Variants in GDA observed in about 807,000 individuals in gnomAD.
The protein encoded by GDA is guanine deaminase.
In GDA, 18 loss-of-function variants were observed where a neutral mutation model predicts 59.6. The ratio of observed to expected loss-of-function variants is 0.30; its 90% confidence interval spans 0.21 to 0.45. The LOEUF (loss-of-function observed/expected upper bound fraction) is 0.45. GDA is among the 20% of genes least tolerant of loss of function. GDA has a pLI of 1.00. For synonymous variants in GDA, 201 were observed against 201.1 expected (o/e 1.00, Z 0.00); for missense variants, 427 against 552.3 (o/e 0.77, Z 2.27).
rs759249485 is a variant in GDA, at chr9:72,149,674, A to G, written c.115A>G (p.Ser39Gly). 6 of 1,600,254 alleles carry G rather than the reference A, an allele frequency of 3.7e-6. No individual in the cohort carries two copies. Among genetic ancestry groups the G allele is most frequent in the Non-Finnish European group, 5.1e-6 (6 of 1,174,486 alleles). ...GGATCACCTCCTCGGCGTGAGCGAC[A>G]GCGGCAAAGTAAGCAGGCGCGGGGT... ...LRDHLLGVSD[S>G]GKIVFLEEAS... The change falls in exon 1 of 14, where the codon AGC (serine) becomes GGC (glycine). Residue 39 changes from serine (S) to glycine (G), a missense_variant. Transcript: ENST00000358399.
intron 6 of GDA, among the ~76,000 whole-genome samples, chr9:72,220,254 T>A (rs1004395501): frequency 2.0e-5 from 3 of 152,076 alleles, no homozygotes; most frequent in African/African-American, 7.2e-5. Flanking sequence ...GAAACAGAGG[T>A]CAGGCATTTT....
At chr9:72,254,402 A>T (rs1345986744), downstream of GDA, among the ~76,000 whole-genome samples, 8 of 152,118 alleles carry the variant, frequency 5.3e-5, no homozygotes, top group Non-Finnish European at 1.0e-4. Flanking sequence ...AATGGTAACT[A>T]AAAAAAGTAA....
intron 1 of GDA, among the ~76,000 whole-genome samples, chr9:72,131,508 C>T (rs757106043): frequency 1.7e-4 from 26 of 152,116 alleles, no homozygotes; most frequent in Non-Finnish European, 3.4e-4. Context: ...CACCAGGCCC[C>T]ATCTCCAACA....
intron 10 of GDA, among the ~76,000 whole-genome samples, chr9:72,238,529 A>T (rs758576431): frequency 4.6e-5 from 7 of 152,262 alleles, no homozygotes; most frequent in Non-Finnish European, 8.8e-5. Flanking sequence ...AATCAAGCAC[A>T]TGCAAGGAGT....
intron 1 of GDA, among the ~76,000 whole-genome samples, chr9:72,192,708 C>T (rs972070086): frequency 6.6e-6 from 1 of 151,254 alleles, no homozygotes; most frequent in African/African-American, 2.4e-5. Flanking sequence ...TGTGAAACCC[C>T]GTCTCTACTA....
chr9:72,131,331 C>G (rs905780546), intron 1 of GDA, among the ~76,000 whole-genome samples: 1 of 152,162 alleles, frequency 6.6e-6, no homozygotes, highest in African/African-American at 2.4e-5. Context: ...TGTTGACGCC[C>G]CTCCCTGCCA....
In GDA at chr9:72,137,242, C is replaced by CTTTTTTTTTTT. The variant is rs143364725; in HGVS notation, c.-100+22420_-100+22430dup. 4.5e-4 allele frequency among the ~76,000 whole-genome samples: 38 copies of CTTTTTTTTTTT among 84,514 alleles called. 2 individuals carry two copies. Among genetic ancestry groups the CTTTTTTTTTTT allele is most frequent in the Non-Finnish European group, 5.6e-4 (27 of 47,920 alleles). The allele number at this position is 84,514 out of a possible 152,430, so 55.4% of individuals were successfully genotyped here. On this transcript the variant is annotated intron_variant, in intron 1 of 13. Transcript: ENST00000545168. ...AAAATTAGGATCCTTTTCTTTTTTT[C>CTTTTTTTTTTT]TTTTTTTTTTTTTTTTTTTTTGAGA...
chr9:72,131,639 ACG>A (rs1826029815), intron 1 of GDA, among the ~76,000 whole-genome samples: 1 of 134,578 alleles, frequency 7.4e-6, no homozygotes, highest in Non-Finnish European at 1.7e-5. Context: ...GAAACACACC[ACG>A]TGCACAGACA....
chr9:72,200,665 G>A (rs1047552408), intron 2 of GDA, among the ~76,000 whole-genome samples: 1 of 152,124 alleles, frequency 6.6e-6, no homozygotes, highest in African/African-American at 2.4e-5. Flanking sequence ...GTTTTATGAC[G>A]GGAGAGAAAG....
Position 72,249,298 on chromosome 9 carries a change from C to T in GDA, c.*956C>T. On this transcript the variant is annotated 3_prime_UTR_variant, in exon 14 of 14. Coordinates refer to ENST00000358399, the MANE Select transcript of GDA (RefSeq NM_004293.5). ...GTTCCATTGCCATGGCCTATTCCAC[C>T]CAAACAATATGTTGTAGTTTCTGGA... is the stretch of plus-strand genomic sequence containing the variant. 1.0e-6 allele frequency: 1 copy of T among 985,008 alleles called. No individual in the cohort carries two copies. Among genetic ancestry groups the T allele is most frequent in the Non-Finnish European group, 1.2e-6 (1 of 829,614 alleles). The allele number at this position is 985,008 out of a possible 1,614,324, so 61.0% of individuals were successfully genotyped here.
At chr9:72,214,551 C>T (rs970089649) in intron 5 of GDA, among the ~76,000 whole-genome samples, 9 of 151,940 alleles carry the variant, frequency 5.9e-5, no homozygotes, top group Non-Finnish European at 1.0e-4. Flanking sequence ...GCCTCGGCCT[C>T]CCAAAGTGCT....
At chr9:72,241,348 G>A (rs748505905) in intron 11 of GDA, 50 bp downstream of exon 11, 51 of 1,390,066 alleles carry the variant, frequency 3.7e-5, no homozygotes, top group Non-Finnish European at 4.8e-5. Context: ...CATGCTGATC[G>A]GTGTCTTTGG....
chr9:72,220,544 G>A (rs538462660), intron 6 of GDA, among the ~76,000 whole-genome samples: 1 of 152,244 alleles, frequency 6.6e-6, no homozygotes, highest in East Asian at 1.9e-4. Flanking sequence ...GACAATCTCA[G>A]TCACTGCTCA....
intron 1 of GDA, among the ~76,000 whole-genome samples, chr9:72,154,182 G>A (rs1442625045): frequency 6.6e-6 from 1 of 152,122 alleles, no homozygotes; most frequent in Non-Finnish European, 1.5e-5. Context: ...GTCCTGGGGT[G>A]GCAGGAGCAA....
chr9:72,150,355 A>C (rs1045627639), intron 1 of GDA, among the ~76,000 whole-genome samples: 5 of 151,758 alleles, frequency 3.3e-5, no homozygotes, highest in African/African-American at 1.2e-4. Context: ...ACACACACAC[A>C]CACCATAGCC....
chr9:72,239,797 G>A (rs966518861), intron 10 of GDA, among the ~76,000 whole-genome samples: 1 of 152,112 alleles, frequency 6.6e-6, no homozygotes, highest in African/African-American at 2.4e-5. Context: ...TTAAGTAGAT[G>A]TAATGAAATT....
chr9:72,149,244 C>G (rs1388077434), upstream of GDA: 1 of 359,194 alleles, frequency 2.8e-6, no homozygotes, highest in African/African-American at 2.2e-5. Flanking sequence ...TCTTCTGAGC[C>G]TCAGCTGTGG....
intron 9 of GDA, among the ~76,000 whole-genome samples, chr9:72,230,406 G>C (rs1838183237): frequency 6.6e-6 from 1 of 151,698 alleles, no homozygotes; most frequent in African/African-American, 2.4e-5. Context: ...AGAATCGCTT[G>C]AACCTACCTT....
chr9:72,195,337 CTTTTTT>C (rs55634274), intron 1 of GDA, among the ~76,000 whole-genome samples, 157 bp from the exon 2 acceptor site: 1 of 119,560 alleles, frequency 8.4e-6, no homozygotes. Flanking sequence ...AAACACCTGT[CTTTTTT>C]TTTTTTTTTT....
Sources: gnomAD v4.1 joint callset for allele counts (sites outside exome capture counted in the v4.1 genomes callset) on GRCh38, gnomAD v4.1.1 for gene constraint, MANE v1.5 for transcripts, NCBI Gene and HGNC (gene_info 2026-07-23, HGNC 2026-07-21) for gene names.